SRXN1: variants seen among roughly 807,000 people sequenced by gnomAD.
SRXN1 encodes sulfiredoxin 1, also known as sulfiredoxin-1.
SRXN1 carries 11 observed loss-of-function variants against 11.0 expected under a neutral mutation model. The observed-to-expected ratio is 1.00, with a 90% CI of 0.63 to 1.65. SRXN1 has a LOEUF of 1.65. Ranked by LOEUF, SRXN1 falls within the 40% of genes most tolerant of loss-of-function variation. SRXN1 has a pLI of 0.00. For missense variants in SRXN1, 211 were observed against 194.5 expected (o/e 1.08, Z -0.50); for synonymous variants, 106 against 92.8 (o/e 1.14, Z -0.82).
At chr20:652,761 A>G (rs1568641696) in intron 1 of SRXN1, among the ~76,000 whole-genome samples, 1 of 152,110 alleles carries the variant, frequency 6.6e-6, no homozygotes, top group Non-Finnish European at 1.5e-5. Context: ...TATCATCACT[A>G]CTTTAATTAT....
At position 653,031 on chromosome 20, in the gene SRXN1, G is replaced by C. The variant is rs778048956; in HGVS notation, c.155C>G (p.Pro52Arg). Residue 52 changes from proline (P) to arginine (R), a missense_variant, in exon 1 of 2, where the codon CCG becomes CGG. Transcript: ENST00000381962. The part of the protein sequence containing the change: ...HNVPLSVLIR[P>R]LPSVLDPAKV... ...GGCGGGGTCCAACACGGACGGCAGC[G>C]GCCGGATGAGCACGCTCAGCGGCAC... The C allele has an allele frequency of 3.2e-6, 5 of 1,571,012 alleles. No homozygotes were observed. In the African/African-American group the frequency reaches 6.8e-5, roughly 21 times the overall value.
At position 648,614 on chromosome 20, in the gene SRXN1, G is replaced by A. The variant is rs1218150975; in HGVS notation, c.*100C>T. On this transcript the variant is annotated 3_prime_UTR_variant, in exon 2 of 2. Coordinates refer to ENST00000381962, the MANE Select transcript of SRXN1 (RefSeq NM_080725.3). ...GTCAGACCCTCTCGCCAGGTGCAAA[G>A]AGAATGCACCCCTGCTATCCCTTCT... 2.2e-6 allele frequency: 3 copies of A among 1,347,936 alleles called. No individual in the cohort carries two copies. The highest frequency in any genetic ancestry group is 1.3e-5 in the South Asian group (1 of 79,310). The allele number at this position is 1,347,936 out of a possible 1,614,324, so 83.5% of individuals were successfully genotyped here.
In SRXN1 at chr20:648,501, T is replaced by C. The variant is rs1369936211; in HGVS notation, c.*213A>G. 7.6e-6 allele frequency: 5 copies of C among 657,742 alleles called. No homozygotes were observed. Among genetic ancestry groups the C allele is most frequent in the East Asian group, 2.8e-5 (1 of 35,842 alleles). The allele number at this position is 657,742 out of a possible 1,614,324, so 40.7% of individuals were successfully genotyped here. The stretch of plus-strand genomic sequence containing the variant: ...CGGTAATGCTTCAAGGGTAAGGCCA[T>C]GATCCTATTGTCACAGAGGTGGGAA... On this transcript the variant is annotated 3_prime_UTR_variant, in exon 2 of 2. Coordinates refer to ENST00000381962, the MANE Select transcript of SRXN1 (RefSeq NM_080725.3).
At position 646,751 on chromosome 20, in the gene SRXN1, T is replaced by C. The variant is rs1245606259; in HGVS notation, c.*1963A>G. 6.6e-6 allele frequency: 1 copy of C among 152,110 alleles called. No individual in the cohort carries two copies. Among genetic ancestry groups the C allele is most frequent in the African/African-American group, 2.4e-5 (1 of 41,402 alleles). 9.4% of individuals were successfully genotyped at this position (152,110 alleles called of 1,614,324 possible). A position where few individuals can be genotyped will look rare whatever the true frequency, so the allele number is the denominator to read the frequency against. ...AGGTCAACATCTTACATCACCATGG[T>C]ACATCTGTCAAAACCAAGAGACTGA... On this transcript the variant is annotated 3_prime_UTR_variant, in exon 2 of 2. Coordinates refer to ENST00000381962, the MANE Select transcript of SRXN1 (RefSeq NM_080725.3).
intron 1 of SRXN1, among the ~76,000 whole-genome samples, chr20:652,458 G>C (rs1382987599): frequency 1.3e-5 from 2 of 152,134 alleles, no homozygotes; most frequent in Non-Finnish European, 2.9e-5. Context: ...GGGCCTCCCA[G>C]CAGATATGAC....
At chr20:652,183 G>A (rs1983690035) in intron 1 of SRXN1, among the ~76,000 whole-genome samples, 1 of 152,146 alleles carries the variant, frequency 6.6e-6, no homozygotes, top group Non-Finnish European at 1.5e-5. Context: ...GTCTGGGGAA[G>A]TGGCTCCAGG....
chr20:651,165 C>T lies in SRXN1; in HGVS notation c.210+1811G>A, dbSNP rs186255982. 1.7e-4 allele frequency among the ~76,000 whole-genome samples: 26 copies of T among 152,234 alleles called. No individual in the cohort carries two copies. The East Asian group carries it at 4.4e-3, about 26-fold the overall frequency. ...GGTGGCGTCTGGAAGCTGGGAAAGGCGAGGAAATGGATTCTCCCCTAGAGC... is the reference window on the plus strand; with the variant it reads ...GGTGGCGTCTGGAAGCTGGGAAAGGTGAGGAAATGGATTCTCCCCTAGAGC... On this transcript the variant is annotated intron_variant, in intron 1 of 1. Transcript: ENST00000381962.
chr20:650,839 G>A lies in SRXN1; in HGVS notation c.211-1922C>T, dbSNP rs529662589. Reference sequence around the variant, plus strand: ...AGCCGTGCCAGGCAGGCCTTGTGCCGGGTACTGGAGGCACGATGGTGGATG... The same window carrying A: ...AGCCGTGCCAGGCAGGCCTTGTGCCAGGTACTGGAGGCACGATGGTGGATG... On this transcript the variant is annotated intron_variant, in intron 1 of 1. Coordinates refer to ENST00000381962, the MANE Select transcript of SRXN1 (RefSeq NM_080725.3). Among the ~76,000 whole-genome samples, 385 of 152,334 alleles carry A rather than the reference G, an allele frequency of 2.5e-3. 6 individuals carry two copies. The highest frequency in any genetic ancestry group is 1.5e-3 in the East Asian group (8 of 5,188).
chr20:648,599 C>T lies in SRXN1; in HGVS notation c.*115G>A. Reference sequence around the variant, plus strand: ...AGAGGGGTGCCCAGAGTCAGACCCTCTCGCCAGGTGCAAAGAGAATGCACC... The same window carrying T: ...AGAGGGGTGCCCAGAGTCAGACCCTTTCGCCAGGTGCAAAGAGAATGCACC... On this transcript the variant is annotated 3_prime_UTR_variant, in exon 2 of 2. Transcript: ENST00000381962. 3 of 1,221,026 alleles carry T rather than the reference C, an allele frequency of 2.5e-6. No individual in the cohort carries two copies. Among genetic ancestry groups the T allele is most frequent in the Non-Finnish European group, 3.5e-6 (3 of 847,472 alleles). The allele number at this position is 1,221,026 out of a possible 1,614,324, so 75.6% of individuals were successfully genotyped here.
In SRXN1 at chr20:653,105, G is replaced by T; in HGVS notation, c.81C>A (p.Gly27=). The T allele has an allele frequency of 1.4e-6, 2 of 1,429,142 alleles. No homozygotes were observed. Among genetic ancestry groups the T allele is most frequent in the South Asian group, 2.9e-5 (2 of 69,834 alleles). 88.5% of individuals were successfully genotyped at this position (1,429,142 alleles called of 1,614,324 possible). ...GAPEGPGPSG[G]AQGGSIHSGR... is the part of the protein sequence containing the mutation. ...CCGAGTGGATGCTGCCGCCCTGCGC[G>T]CCGCCGCTCGGCCCGGGCCCCTCGG... is the stretch of plus-strand genomic sequence containing the variant. Residue 27 remains glycine (G), a synonymous_variant, in exon 1 of 2, where the codon GGC becomes GGA. Transcript: ENST00000381962.
rs555019388 is a variant in SRXN1, at chr20:647,208, C to A, written c.*1506G>T. The A allele has an allele frequency of 6.6e-6, 1 of 152,426 alleles. No individual in the cohort carries two copies. The highest frequency in any genetic ancestry group is 2.1e-4 in the South Asian group (1 of 4,828). The allele number at this position is 152,426 out of a possible 1,614,324, so 9.4% of individuals were successfully genotyped here. A position where few individuals can be genotyped will look rare whatever the true frequency, so the allele number is the denominator to read the frequency against. Reference sequence around the variant, plus strand: ...TCACTTCCTGCCCCAACACCTCTTCCCCTAGACCCTGAGGGCCAGGACAAT... The same window carrying A: ...TCACTTCCTGCCCCAACACCTCTTCACCTAGACCCTGAGGGCCAGGACAAT... On this transcript the variant is annotated 3_prime_UTR_variant, in exon 2 of 2. Transcript: ENST00000381962.
At chr20:650,026 G>T (rs768773719) in intron 1 of SRXN1, among the ~76,000 whole-genome samples, 1 of 152,210 alleles carries the variant, frequency 6.6e-6, no homozygotes, top group Non-Finnish European at 1.5e-5. Flanking sequence ...ACCAGAGCAC[G>T]TTCACTGTGT....
Position 646,957 on chromosome 20 carries a change from G to A in SRXN1, c.*1757C>T, listed in dbSNP as rs1379991853. ...CGGGGAAAGAGAATGCATGGGAAAA[G>A]CTCTTGTCCTTATTATTGAACTGGA... On this transcript the variant is annotated 3_prime_UTR_variant, in exon 2 of 2. Transcript: ENST00000381962. 1 of 152,222 alleles carries A rather than the reference G, an allele frequency of 6.6e-6. No individual in the cohort carries two copies. Among genetic ancestry groups the A allele is most frequent in the Non-Finnish European group, 1.5e-5 (1 of 68,052 alleles). 9.4% of individuals were successfully genotyped at this position (152,222 alleles called of 1,614,324 possible). A position where few individuals can be genotyped will look rare whatever the true frequency, so the allele number is the denominator to read the frequency against.
intron 1 of SRXN1, among the ~76,000 whole-genome samples, chr20:652,262 G>C (rs1366744590): frequency 6.6e-6 from 1 of 152,134 alleles, no homozygotes; most frequent in Non-Finnish European, 1.5e-5. Context: ...TGCTGGGTGG[G>C]GCTTAGGGAT....
chr20:650,274 G>A (rs977928139), intron 1 of SRXN1, among the ~76,000 whole-genome samples: 1 of 152,216 alleles, frequency 6.6e-6, no homozygotes, highest in Non-Finnish European at 1.5e-5. Flanking sequence ...GGCCTCTGCA[G>A]GTATTCAGCA....
Position 648,565 on chromosome 20 carries a change from T to A in SRXN1, c.*149A>T. The A allele has an allele frequency of 1.2e-6, 1 of 843,126 alleles. No individual in the cohort carries two copies. Among genetic ancestry groups the A allele is most frequent in the South Asian group, 1.6e-5 (1 of 63,602 alleles). The allele number at this position is 843,126 out of a possible 1,614,324, so 52.2% of individuals were successfully genotyped here. On this transcript the variant is annotated 3_prime_UTR_variant, in exon 2 of 2. Coordinates refer to ENST00000381962, the MANE Select transcript of SRXN1 (RefSeq NM_080725.3). ...ACTGTACAGTGAGTCCAAGGCCTTG[T>A]AGCTGGTGAGAGGGGTGCCCAGAGT...
intron 1 of SRXN1, among the ~76,000 whole-genome samples, chr20:650,279 TCAG>T (rs541151234): frequency 8.3e-4 from 126 of 152,274 alleles, no homozygotes; most frequent in African/African-American, 2.9e-3. Flanking sequence ...CTGCAGGTAT[TCAG>T]CAGAAGATGC....
rs112680483 is a variant in SRXN1 at position 649,192 on chromosome 20, C to G, written c.211-275G>C. 6.1e-3 allele frequency among the ~76,000 whole-genome samples: 930 copies of G among 152,352 alleles called. 15 individuals carry two copies. Among genetic ancestry groups the G allele is most frequent in the African/African-American group, 0.021 (888 of 41,572 alleles). ...TATCAGCACACCACATGCACACTAT[C>G]CAGCTGGCCCTGTTGTAGACCCTGG... is the stretch of plus-strand genomic sequence containing the variant. On this transcript the variant is annotated intron_variant, in intron 1 of 1. Transcript: ENST00000381962.
intron 1 of SRXN1, among the ~76,000 whole-genome samples, chr20:650,817 C>T (rs774419419): frequency 1.1e-4 from 16 of 152,314 alleles, no homozygotes; most frequent in Admixed American, 3.3e-4. Context: ...GGAGGGCAGC[C>T]GTGCCAGGCA....
Sources: gnomAD v4.1 joint callset for allele counts (sites outside exome capture counted in the v4.1 genomes callset) on GRCh38, gnomAD v4.1.1 for gene constraint, MANE v1.5 for transcripts, NCBI Gene and HGNC (gene_info 2026-07-23, HGNC 2026-07-21) for gene names.